MYT1L: variants seen among roughly 807,000 people sequenced by gnomAD.
MYT1L encodes the protein myelin transcription factor 1 like.
A neutral mutation model predicts 126.7 loss-of-function variants in MYT1L; 12 were observed. The observed-to-expected ratio is 0.09, with a 90% confidence interval of 0.06 to 0.15. MYT1L has a LOEUF of 0.15. MYT1L is among the 10% of genes least tolerant of loss of function. The pLI is 1.00. For missense variants in MYT1L, 979 were observed against 1,585.2 expected (o/e 0.62, Z 6.49); for synonymous variants, 541 against 604.2 (o/e 0.90, Z 1.53).
intron 4 of MYT1L, among the ~76,000 whole-genome samples, chr2:2,027,165 A>C (rs938501169): frequency 6.6e-6 from 1 of 152,244 alleles, no homozygotes; most frequent in Admixed American, 6.5e-5. Flanking sequence ...AGGCAGGTGC[A>C]GCTGCCTCAT....
chr2:1,915,311 C>A (rs1010778177), intron 11 of MYT1L, among the ~76,000 whole-genome samples: 7 of 152,144 alleles, frequency 4.6e-5, no homozygotes, highest in African/African-American at 1.7e-4. Context: ...GAGAAGCCTC[C>A]TCTGTATTGT....
intron 3 of MYT1L, among the ~76,000 whole-genome samples, chr2:2,075,069 G>T (rs2075067742): frequency 6.6e-6 from 1 of 152,148 alleles, no homozygotes; most frequent in Non-Finnish European, 1.5e-5. Flanking sequence ...AAACCTGGGA[G>T]TCAAGCCCAA....
chr2:2,070,537 G>T (rs1469806901), intron 3 of MYT1L, among the ~76,000 whole-genome samples: 1 of 152,184 alleles, frequency 6.6e-6, no homozygotes, highest in Non-Finnish European at 1.5e-5. Context: ...AACCCTTTTT[G>T]AGATTTGATG....
chr2:2,076,788 T>C (rs1210174854), intron 3 of MYT1L, among the ~76,000 whole-genome samples: 1 of 141,612 alleles, frequency 7.1e-6, no homozygotes, highest in Non-Finnish European at 1.5e-5. Context: ...GCATGAGAGA[T>C]ACAAAGAAAC....
rs886189579 is a variant in MYT1L at position 2,228,697 on chromosome 2, G to C, written c.-421+55707C>G. 3.3e-5 allele frequency among the ~76,000 whole-genome samples: 5 copies of C among 151,910 alleles called. No homozygotes were observed. Among genetic ancestry groups the C allele is most frequent in the Non-Finnish European group, 2.9e-5 (2 of 67,978 alleles). ...TTATATAACTTAGCAGGTATAAAAA[G>C]GTTTCAACCTTAATATTACAGAGAA... On this transcript the variant is annotated intron_variant, in intron 2 of 24. Transcript: ENST00000647738. The surrounding 1 kb of genome is among the most constrained non-coding windows in gnomAD (Gnocchi z 5.9).
intron 9 of MYT1L, among the ~76,000 whole-genome samples, chr2:1,928,389 G>A (rs1299208518): frequency 1.3e-5 from 2 of 152,176 alleles, no homozygotes; most frequent in Non-Finnish European, 2.9e-5. Context: ...TGACAGTACA[G>A]AACCACAGAG....
intron 2 of MYT1L, among the ~76,000 whole-genome samples, chr2:2,276,684 C>T (rs1362696094): frequency 6.6e-6 from 1 of 152,164 alleles, no homozygotes; most frequent in Admixed American, 6.5e-5. Flanking sequence ...ATTCACATTA[C>T]CATGCCTTCA....
rs547189190 is a variant in MYT1L at position 1,801,839 on chromosome 2, C to A, written c.3173-40G>T. The stretch of plus-strand genomic sequence containing the variant: ...ATTAGTATGTTAAAACTGTTATATA[C>A]AAAAATATTAGAGTTAGAATTTTGG... On this transcript the variant is annotated intron_variant, in intron 22 of 24. Transcript: ENST00000647738. This position sits in a 1 kb window ranked among gnomAD's most constrained non-coding sequence, Gnocchi z 4.2. 2.8e-4 allele frequency: 363 copies of A among 1,286,654 alleles called. 1 individual carries two copies. Among genetic ancestry groups the A allele is most frequent in the Non-Finnish European group, 3.8e-4 (345 of 912,476 alleles). The allele number at this position is 1,286,654 out of a possible 1,614,324, so 79.7% of individuals were successfully genotyped here. A position where few individuals can be genotyped will look rare whatever the true frequency, so the allele number is the denominator to read the frequency against.
chr2:2,087,486 A>T (rs2076475002), intron 3 of MYT1L, among the ~76,000 whole-genome samples: 1 of 152,206 alleles, frequency 6.6e-6, no homozygotes, highest in Admixed American at 6.5e-5. Context: ...CTGCAGGTTC[A>T]TCTATGCTGC....
intron 21 of MYT1L, among the ~76,000 whole-genome samples, chr2:1,813,658 C>G (rs1244235979): frequency 6.6e-6 from 1 of 152,058 alleles, no homozygotes; most frequent in Non-Finnish European, 1.5e-5. Flanking sequence ...GGGCTGCGGG[C>G]TCCTTAGAAG....
intron 2 of MYT1L, among the ~76,000 whole-genome samples, chr2:2,174,204 T>C (rs564569235): frequency 6.6e-6 from 1 of 152,334 alleles, no homozygotes; most frequent in African/African-American, 2.4e-5. Context: ...AGTTATTTTG[T>C]AACATTTAAA....
chr2:2,052,666 A>G (rs559317071), intron 4 of MYT1L, among the ~76,000 whole-genome samples: 5 of 152,260 alleles, frequency 3.3e-5, no homozygotes, highest in Non-Finnish European at 7.3e-5. Flanking sequence ...ACACATGGAA[A>G]GATGCTTAAC....
At chr2:1,951,782 A>G (rs2057774842) in intron 8 of MYT1L, among the ~76,000 whole-genome samples, 1 of 152,188 alleles carries the variant, frequency 6.6e-6, no homozygotes, top group Admixed American at 6.5e-5. Flanking sequence ...CCCAAATCTG[A>G]GTTCTCCTTT....
In MYT1L at chr2:2,107,290, T is replaced by C. The variant is rs1327432832; in HGVS notation, c.-303-53167A>G. Among the ~76,000 whole-genome samples, 3 of 152,318 alleles carry C rather than the reference T, an allele frequency of 2.0e-5. 1 individual carries two copies. In the East Asian group the frequency reaches 5.8e-4, roughly 29 times the overall value. On this transcript the variant is annotated intron_variant, in intron 3 of 24. Coordinates refer to ENST00000647738, the MANE Select transcript of MYT1L (RefSeq NM_001303052.2). ...TGCTCGGGCAGGATTCAGCAGAGGA[T>C]GGCCCACTTGCCAAACCTGGCCCAC...
intron 2 of MYT1L, among the ~76,000 whole-genome samples, chr2:2,209,579 T>C (rs772296951): frequency 2.0e-5 from 3 of 152,234 alleles, no homozygotes; most frequent in Admixed American, 6.5e-5. Context: ...AGACAGAATC[T>C]CATTCTTTTT....
chr2:2,055,571 C>A (rs962945250), intron 3 of MYT1L, among the ~76,000 whole-genome samples: 7 of 152,050 alleles, frequency 4.6e-5, no homozygotes, highest in Admixed American at 2.6e-4. Context: ...GAATGGTATT[C>A]GACATAGTGG....
At chr2:1,832,609 C>A (rs1165267927) in intron 21 of MYT1L, among the ~76,000 whole-genome samples, 1 of 152,200 alleles carries the variant, frequency 6.6e-6, no homozygotes, top group Non-Finnish European at 1.5e-5. Context: ...CTTAGGTCTG[C>A]AGGAACGGCT....
intron 2 of MYT1L, among the ~76,000 whole-genome samples, chr2:2,175,225 C>T (rs924110660): frequency 3.3e-5 from 5 of 152,136 alleles, no homozygotes; most frequent in African/African-American, 9.7e-5. Context: ...CCCACCACCC[C>T]TGTGGGACAC....
At chr2:1,999,155 T>C (rs974000057) in intron 4 of MYT1L, among the ~76,000 whole-genome samples, 1 of 152,222 alleles carries the variant, frequency 6.6e-6, no homozygotes, top group Non-Finnish European at 1.5e-5. Flanking sequence ...TGGCTTATCA[T>C]TAAGTGCTCA....
Sources: allele counts gnomAD v4.1 joint callset (sites outside exome capture counted in the v4.1 genomes callset), GRCh38; gene constraint gnomAD v4.1.1; non-coding constraint Gnocchi (gnomAD v3.1); transcripts MANE v1.5; gene names NCBI Gene and HGNC (gene_info 2026-07-23, HGNC 2026-07-21).